WDR18: variants seen among roughly 807,000 people sequenced by gnomAD.
WDR18 encodes WD repeat-containing protein 18.
Under a neutral mutation model 49.6 loss-of-function variants are expected in WDR18, and 33 were observed. The observed-to-expected ratio is 0.67, with a 90% CI of 0.50 to 0.89. The LOEUF is 0.89. Ranked by LOEUF, WDR18 falls within the 40% of genes least tolerant of loss-of-function variation. The pLI is 0.00. For synonymous variants in WDR18, 315 were observed against 263.6 expected (o/e 1.19, Z -1.89); for missense variants, 653 against 593.6 (o/e 1.10, Z -1.04).
rs566376973 is a variant in WDR18 at position 984,815 on chromosome 19, G to A, written c.210+252G>A. On this transcript the variant is annotated intron_variant, in intron 1 of 9. Coordinates refer to ENST00000585809, the MANE Select transcript of WDR18 (RefSeq NM_024100.4). The stretch of plus-strand genomic sequence containing the variant: ...GGGGCAGTGGGGGAAAATGGGAGAC[G>A]CTCCGGGGGGTCCCTTGGGGCAATT... Among the ~76,000 whole-genome samples, 12 of 151,724 alleles carry A rather than the reference G, an allele frequency of 7.9e-5. No homozygotes were observed. The East Asian group carries it at 1.6e-3, about 20-fold the overall frequency.
Position 994,381 on chromosome 19 carries a change from G to T in WDR18, c.*37G>T. 1 of 1,576,766 alleles carries T rather than the reference G, an allele frequency of 6.3e-7. No homozygotes were observed. ...CCCGGCCCGAGGCGCCCAGGCCTGA[G>T]CCCCATGCCTCCCAGCAACCAGGGC... On this transcript the variant is annotated 3_prime_UTR_variant, in exon 10 of 10. Coordinates refer to ENST00000585809, the MANE Select transcript of WDR18 (RefSeq NM_024100.4).
intron 3 of WDR18, 142 bp downstream of exon 3, chr19:990,037 C>T (rs539831340): frequency 7.8e-6 from 11 of 1,417,446 alleles, no homozygotes; most frequent in East Asian, 2.5e-5. Context: ...CCCAGGGGTC[C>T]TGGCTGCCCA....
intron 2 of WDR18, among the ~76,000 whole-genome samples, chr19:986,318 G>A (rs1294074629): frequency 1.3e-5 from 2 of 152,306 alleles, no homozygotes; most frequent in East Asian, 1.9e-4. Flanking sequence ...AAGGGCGGCC[G>A]GGCGCAGTGG....
rs763434261 is a variant in WDR18 at position 990,372 on chromosome 19, G to T, written c.597+8G>T. 1.6e-5 allele frequency: 24 copies of T among 1,536,372 alleles called. No homozygotes were observed. The Admixed American group carries it at 2.7e-4, about 17-fold the overall frequency. On this transcript the variant is annotated splice_region_variant and intron_variant, in intron 4 of 9. Transcript: ENST00000585809. ...CTGGACCAGACGGTGAAGGTACGCC[G>T]CCCCCACCCCACCACGGTCCATGAG...
At chr19:990,413 G>T (rs1300313802) in intron 4 of WDR18, 49 bp downstream of exon 4, 2 of 1,472,222 alleles carry the variant, frequency 1.4e-6, no homozygotes, top group South Asian at 1.3e-5. Context: ...CCCAGCAGCC[G>T]CAGGTCCTCA....
rs770440254 is a variant in WDR18 at position 990,370 on chromosome 19, C to T, written c.597+6C>T. On this transcript the variant is annotated splice_donor_region_variant and intron_variant, in intron 4 of 9. Transcript: ENST00000585809. The stretch of plus-strand genomic sequence containing the variant: ...CACTGGACCAGACGGTGAAGGTACG[C>T]CGCCCCCACCCCACCACGGTCCATG... 6.5e-7 allele frequency: 1 copy of T among 1,537,888 alleles called. No individual in the cohort carries two copies. The highest frequency in any genetic ancestry group is 8.7e-7 in the Non-Finnish European group (1 of 1,148,746).
At chr19:984,850 C>A (rs965486891) in intron 1 of WDR18, among the ~76,000 whole-genome samples, 2 of 151,984 alleles carry the variant, frequency 1.3e-5, no homozygotes, top group Admixed American at 1.3e-4. Context: ...TGCGCATGCA[C>A]GAGTTCTTGG....
rs745612585 is a variant in WDR18 at position 991,346 on chromosome 19, T to G, written c.926T>G (p.Leu309Arg). 13 of 1,546,598 alleles carry G rather than the reference T, an allele frequency of 8.4e-6. No individual in the cohort carries two copies. Among genetic ancestry groups the G allele is most frequent in the Admixed American group, 4.0e-5 (2 of 50,430 alleles). ...QSKQCIRTVA[L>R]KGPVTNAAIL... ...AAGCAGTGCATCCGGACGGTGGCCCTCAAAGGTGGGCGCGCCTCTGCTCGG... is the reference window on the plus strand; with the variant it reads ...AAGCAGTGCATCCGGACGGTGGCCCGCAAAGGTGGGCGCGCCTCTGCTCGG... Residue 309 changes from leucine (L) to arginine (R), a missense_variant, in exon 7 of 10, where the codon CTC (leucine) becomes CGC (arginine). Transcript: ENST00000585809.
intron 2 of WDR18, among the ~76,000 whole-genome samples, chr19:986,826 G>C (rs1359841671): frequency 1.3e-5 from 2 of 152,170 alleles, no homozygotes; most frequent in Non-Finnish European, 2.9e-5. Context: ...CCGTAGCTGT[G>C]GCGTTAGATC....
chr19:985,031 CCT>C (rs1231934724), intron 1 of WDR18, among the ~76,000 whole-genome samples: 1 of 152,142 alleles, frequency 6.6e-6, no homozygotes, highest in Admixed American at 6.6e-5. Context: ...CACAGTTTCC[CCT>C]CTACTCCCAA....
At position 990,863 on chromosome 19, in the gene WDR18, CTCCTCGGGGGAGCTGCTGCTCTCCG is replaced by C; in HGVS notation, c.615_639del (p.Gly206LeufsTer8). The C allele has an allele frequency of 1.2e-6, 2 of 1,607,694 alleles. No homozygotes were observed. Among genetic ancestry groups the C allele is most frequent in the Non-Finnish European group, 1.7e-6 (2 of 1,176,996 alleles). On this transcript the variant is annotated frameshift_variant, in exon 5 of 10. Transcript: ENST00000585809. LOFTEE classifies it high-confidence loss of function. ...TTGCCCACCCGCAGCTATGGGAGGT[CTCCTCGGGGGAGCTGCTGCTCTCCG>C]TCCTCTTTGACGTGTCCATCATGGC...
At position 990,000 on chromosome 19, in the gene WDR18, C is replaced by T. The variant is rs367692774; in HGVS notation, c.455+105C>T. 8.7e-6 allele frequency: 13 copies of T among 1,492,326 alleles called. No homozygotes were observed. The African/African-American group carries it at 1.4e-4, about 16-fold the overall frequency. 92.4% of individuals were successfully genotyped at this position (1,492,326 alleles called of 1,614,324 possible). A position where few individuals can be genotyped will look rare whatever the true frequency, so the allele number is the denominator to read the frequency against. On this transcript the variant is annotated intron_variant, in intron 3 of 9. Transcript: ENST00000585809. The stretch of plus-strand genomic sequence containing the variant: ...CGGGAAGGGGCTTCTCTCTTGGGGG[C>T]TGGAGTGCAGAGGACGGAGTGATCA...
At chr19:984,212 G>A (rs570309136), upstream of WDR18, 130 of 900,280 alleles carry the variant, frequency 1.4e-4, no homozygotes, top group African/African-American at 1.9e-3. Flanking sequence ...CACTTCACAA[G>A]AAAGCCCCTC....
At chr19:992,964 G>C (rs981625287) in intron 8 of WDR18, among the ~76,000 whole-genome samples, 2 of 152,242 alleles carry the variant, frequency 1.3e-5, no homozygotes, top group African/African-American at 4.8e-5. Context: ...CTGATGGCCT[G>C]ACAGGCCCTG....
At chr19:991,816 G>A in intron 7 of WDR18, 139 bp from the exon 8 acceptor site, 1 of 973,860 alleles carries the variant, frequency 1.0e-6, no homozygotes, top group South Asian at 2.0e-5. Context: ...CGTGGGGCGG[G>A]GCCTGGCTGG....
chr19:986,703 A>G (rs956941450), intron 2 of WDR18, among the ~76,000 whole-genome samples: 1 of 152,220 alleles, frequency 6.6e-6, no homozygotes, highest in Admixed American at 6.5e-5. Context: ...CCAGCTTCTC[A>G]GCTCTGCCCT....
rs1177826839 is a variant in WDR18 at position 990,075 on chromosome 19, C to T, written c.456-148C>T. 7.2e-6 allele frequency: 10 copies of T among 1,380,898 alleles called. No homozygotes were observed. In the South Asian group the frequency reaches 1.2e-4, roughly 16 times the overall value. The allele number at this position is 1,380,898 out of a possible 1,614,324, so 85.5% of individuals were successfully genotyped here. ...CTGGGGTCTGGTTTGTTCTGGGGGC[C>T]GTGGGGGCCCAGCCTTGAGTTTACT... On this transcript the variant is annotated intron_variant, in intron 3 of 9. Transcript: ENST00000585809.
Position 994,361 on chromosome 19 carries a change from C to T in WDR18, c.*17C>T. The T allele has an allele frequency of 1.3e-6, 2 of 1,598,168 alleles. No individual in the cohort carries two copies. The highest frequency in any genetic ancestry group is 1.3e-5 in the African/African-American group (1 of 74,782). ...GCCAAGTGAGGCCCGGAGACCCCGGCCCGAGGCGCCCAGGCCTGAGCCCCA... is the reference window on the plus strand; with the variant it reads ...GCCAAGTGAGGCCCGGAGACCCCGGTCCGAGGCGCCCAGGCCTGAGCCCCA... On this transcript the variant is annotated 3_prime_UTR_variant, in exon 10 of 10. Coordinates refer to ENST00000585809, the MANE Select transcript of WDR18 (RefSeq NM_024100.4).
At chr19:989,936 C>G (rs1282605752) in intron 3 of WDR18, 41 bp downstream of exon 3, 1 of 1,556,050 alleles carries the variant, frequency 6.4e-7, no homozygotes, top group Admixed American at 1.9e-5. Flanking sequence ...GGAACTGCAC[C>G]CGGGCTCAGG....
Sources: gnomAD v4.1 joint callset for allele counts (sites outside exome capture counted in the v4.1 genomes callset) on GRCh38, gnomAD v4.1.1 for gene constraint, MANE v1.5 for transcripts, NCBI Gene and HGNC (gene_info 2026-07-23, HGNC 2026-07-21) for gene names.